Variants in ATOSA observed in about 807,000 individuals in gnomAD.
ATOSA encodes atos homolog A.
the ATOSA span, chr15:52,658,828 A>G: frequency 2.1e-5 from 8 of 386,450 alleles, no homozygotes; most frequent in Non-Finnish European, 2.7e-5. Flanking sequence ...AAAAAAAAAA[A>G]GTTAAAAATC....
chr15:52,650,490 C>A, the ATOSA span, among the ~76,000 whole-genome samples: 1 of 152,016 alleles, frequency 6.6e-6, no homozygotes, highest in Non-Finnish European at 1.5e-5. Flanking sequence ...TATTAGACAT[C>A]TTTTTAATAC....
At chr15:52,603,421 G>C in the ATOSA span, among the ~76,000 whole-genome samples, 1 of 151,992 alleles carries the variant, frequency 6.6e-6, no homozygotes, top group Non-Finnish European at 1.5e-5. Context: ...GACTATGGAA[G>C]TTCCTCAAAA....
At chr15:52,672,366 A>G in the ATOSA span, among the ~76,000 whole-genome samples, 1 of 151,742 alleles carries the variant, frequency 6.6e-6, no homozygotes, top group Admixed American at 6.6e-5. Context: ...AGAAAAAGAA[A>G]AAGTCTAACA....
the ATOSA span, chr15:52,650,015 T>C: frequency 6.6e-6 from 1 of 152,194 alleles, no homozygotes; most frequent in Non-Finnish European, 1.5e-5. Flanking sequence ...GCTCTATTAA[T>C]TTTTATGAAA....
the ATOSA span, chr15:52,593,624 A>G: frequency 2.5e-5 from 39 of 1,571,256 alleles, no homozygotes; most frequent in Non-Finnish European, 3.3e-5. Flanking sequence ...GTAGAATGAC[A>G]CTTCAACTGG....
At chr15:52,651,696 G>C in the ATOSA span, among the ~76,000 whole-genome samples, 1 of 152,100 alleles carries the variant, frequency 6.6e-6, no homozygotes, top group African/African-American at 2.4e-5. Context: ...AAGAAAACAG[G>C]CTATATGAAG....
the ATOSA span, among the ~76,000 whole-genome samples, chr15:52,664,312 T>A: frequency 1.4e-4 from 21 of 152,212 alleles, no homozygotes; most frequent in Admixed American, 1.4e-3. Context: ...AGTTCTAGAA[T>A]CCTAGTTGGA....
the ATOSA span, among the ~76,000 whole-genome samples, chr15:52,704,411 A>G: frequency 1.3e-5 from 2 of 152,240 alleles, no homozygotes; most frequent in Non-Finnish European, 2.9e-5. Flanking sequence ...CCCTAGAAGA[A>G]AACCTAGGCA....
the ATOSA span, among the ~76,000 whole-genome samples, chr15:52,641,705 T>G: frequency 4.6e-5 from 7 of 152,346 alleles, no homozygotes; most frequent in African/African-American, 1.7e-4. Context: ...TGGAAAATTA[T>G]AATTGTAAAT....
chr15:52,610,365 T>C, the ATOSA span: 22 of 1,609,220 alleles, frequency 1.4e-5, no homozygotes, highest in Non-Finnish European at 1.9e-5. Flanking sequence ...ACTGTAGGTC[T>C]ACATCAGCAG....
the ATOSA span, among the ~76,000 whole-genome samples, chr15:52,641,091 A>G: frequency 6.6e-6 from 1 of 152,360 alleles, no homozygotes; most frequent in African/African-American, 2.4e-5. Flanking sequence ...TGAAGAAAAA[A>G]TAAAACAGCT....
chr15:52,611,478 G>T, the ATOSA span: 1 of 1,315,452 alleles, frequency 7.6e-7, no homozygotes, highest in Non-Finnish European at 1.0e-6. Context: ...TTATTACATA[G>T]AGGAATTCAA....
At chr15:52,687,289 C>A in the ATOSA span, among the ~76,000 whole-genome samples, 1 of 152,200 alleles carries the variant, frequency 6.6e-6, no homozygotes, top group South Asian at 2.1e-4. Flanking sequence ...CGTGTAGTCC[C>A]ACCTACTCCG....
the ATOSA span, among the ~76,000 whole-genome samples, chr15:52,646,968 A>G: frequency 1.1e-3 from 167 of 152,306 alleles, 1 homozygote; most frequent in African/African-American, 3.8e-3. Flanking sequence ...ATTTAAGGTA[A>G]GTATGCATTA....
the ATOSA span, among the ~76,000 whole-genome samples, chr15:52,681,737 T>C: frequency 1.3e-5 from 2 of 152,006 alleles, no homozygotes; most frequent in Admixed American, 1.3e-4. Flanking sequence ...ATATGAGTAA[T>C]TAACTTCAAA....
chr15:52,584,079 C>T, the ATOSA span, among the ~76,000 whole-genome samples: 5 of 137,836 alleles, frequency 3.6e-5, no homozygotes, highest in East Asian at 2.1e-4. Context: ...AGTGAGACTC[C>T]GTCTCAAGAA....
the ATOSA span, among the ~76,000 whole-genome samples, chr15:52,584,175 A>ATTCTT: frequency 5.7e-5 from 8 of 139,278 alleles, no homozygotes; most frequent in African/African-American, 1.9e-4. Flanking sequence ...ATGGAGTCTC[A>ATTCTT]TTCTTGTCAC....
the ATOSA span, chr15:52,649,559 T>C: frequency 1.3e-5 from 2 of 152,152 alleles, no homozygotes; most frequent in African/African-American, 4.8e-5. Context: ...TAGTAAATAC[T>C]AGCACTTCTA....
the ATOSA span, among the ~76,000 whole-genome samples, chr15:52,636,409 C>T: frequency 1.5e-3 from 221 of 152,202 alleles, no homozygotes; most frequent in Non-Finnish European, 2.8e-3. Flanking sequence ...TCAAAGGGGA[C>T]TGTAGTTGGA....
Sources: gnomAD v4.1 joint callset for allele counts (sites outside exome capture counted in the v4.1 genomes callset) on GRCh38, gnomAD v4.1.1 for gene constraint, MANE v1.5 for transcripts, NCBI Gene and HGNC (gene_info 2026-07-23, HGNC 2026-07-21) for gene names.